The following KREMEN1 variants were observed in gnomAD, a reference collection of about 807,000 sequenced individuals.
The protein encoded by KREMEN1 is kringle containing transmembrane protein 1, also known as kremen protein 1.
KREMEN1 carries 30 observed loss-of-function variants against 46.5 expected under a neutral mutation model. The observed-to-expected ratio is 0.65, with a 90% CI of 0.48 to 0.88. KREMEN1 has a LOEUF of 0.88. KREMEN1 is among the 40% of genes least tolerant of loss of function. The probability of loss-of-function intolerance (pLI) is 0.00; values close to 1 mark genes in which losing one functional copy is unlikely to be tolerated. For missense variants in KREMEN1, 533 were observed against 596.9 expected, an observed-to-expected ratio of 0.89 and a Z score of 1.11; for synonymous variants, 214 against 230.6, an observed-to-expected ratio of 0.93 and a Z score of 0.65.
At chr22:29,148,604 G>A (rs1375017025), downstream of KREMEN1, among the ~76,000 whole-genome samples, 3 of 151,888 alleles carry the variant, frequency 2.0e-5, no homozygotes, top group Admixed American at 6.6e-5. Flanking sequence ...ACAGGCGCCC[G>A]CCACCACGCC....
At chr22:29,109,422 A>T (rs2038109541) in intron 3 of KREMEN1, among the ~76,000 whole-genome samples, 1 of 152,248 alleles carries the variant, frequency 6.6e-6, no homozygotes, top group Admixed American at 6.5e-5. Flanking sequence ...CACACCAATC[A>T]TATAAATAAG....
At chr22:29,090,232 G>T (rs374756409) in intron 1 of KREMEN1, among the ~76,000 whole-genome samples, 1 of 152,198 alleles carries the variant, frequency 6.6e-6, no homozygotes, top group Non-Finnish European at 1.5e-5. Context: ...CTCTGTGTGT[G>T]TGTGTTTCTT....
intron 3 of KREMEN1, among the ~76,000 whole-genome samples, chr22:29,105,705 T>C (rs2038049478): frequency 6.6e-6 from 1 of 152,170 alleles, no homozygotes; most frequent in Non-Finnish European, 1.5e-5. Flanking sequence ...GAGGCATTTC[T>C]CCATAGTTCG....
intron 3 of KREMEN1, among the ~76,000 whole-genome samples, chr22:29,104,163 T>G (rs992662289): frequency 1.9e-4 from 28 of 151,020 alleles, no homozygotes; most frequent in East Asian, 1.2e-3. Context: ...TGTAATTTTT[T>G]TTTTTTTTTT....
chr22:29,088,306 T>TACACACACACACACAC (rs199764170), intron 1 of KREMEN1, among the ~76,000 whole-genome samples: 2 of 149,782 alleles, frequency 1.3e-5, no homozygotes, highest in African/African-American at 2.5e-5. Context: ...CACGCGTGCA[T>TACACACACACACACAC]ACACACACAC....
At chr22:29,148,395 A>C (rs2038888226), downstream of KREMEN1, among the ~76,000 whole-genome samples, 1 of 151,736 alleles carries the variant, frequency 6.6e-6, no homozygotes, top group Non-Finnish European at 1.5e-5. Context: ...GGTGGGCAGG[A>C]GTAGGACAGG....
At chr22:29,119,329 A>G (rs561763414) in intron 3 of KREMEN1, among the ~76,000 whole-genome samples, 1 of 152,324 alleles carries the variant, frequency 6.6e-6, no homozygotes, top group South Asian at 2.1e-4. Flanking sequence ...TTATTCACCA[A>G]CCCAGAAGCT....
At position 29,143,558 on chromosome 22, in the gene KREMEN1, T is replaced by C. The variant is rs132279; in HGVS notation, c.*1446T>C. Reference sequence around the variant, plus strand: ...GTGATCGAAACCATCCTGGCTAAGATGGTGAAACCCCGTCTCTACTAAAAA... The same window carrying C: ...GTGATCGAAACCATCCTGGCTAAGACGGTGAAACCCCGTCTCTACTAAAAA... On this transcript the variant is annotated 3_prime_UTR_variant, in exon 9 of 9. Coordinates refer to ENST00000400335, the MANE Select transcript of KREMEN1 (RefSeq NM_001039570.3). 623,831 of 775,186 alleles carry C rather than the reference T, an allele frequency of 0.8. 254,196 individuals carry two copies. Among genetic ancestry groups the C allele is most frequent in the Non-Finnish European group, 0.84 (534,155 of 638,464 alleles). The allele number at this position is 775,186 out of a possible 1,614,324, so 48.0% of individuals were successfully genotyped here.
chr22:29,145,136 A>T lies in KREMEN1; in HGVS notation c.*3024A>T. On this transcript the variant is annotated 3_prime_UTR_variant, in exon 9 of 9. Coordinates refer to ENST00000400335, the MANE Select transcript of KREMEN1 (RefSeq NM_001039570.3). ...AGTCAGCGACACCCCACAGAAGGCCACTGCGGCTAGGTAAACACCTGAGAA... is the reference window on the plus strand; with the variant it reads ...AGTCAGCGACACCCCACAGAAGGCCTCTGCGGCTAGGTAAACACCTGAGAA... 1 of 986,220 alleles carries T rather than the reference A, an allele frequency of 1.0e-6. No individual in the cohort carries two copies. The highest frequency in any genetic ancestry group is 1.7e-5 in the African/African-American group (1 of 57,376). The allele number at this position is 986,220 out of a possible 1,614,324, so 61.1% of individuals were successfully genotyped here. A position where few individuals can be genotyped will look rare whatever the true frequency, so the allele number is the denominator to read the frequency against.
downstream of KREMEN1, among the ~76,000 whole-genome samples, chr22:29,147,169 AAGG>A (rs2038877783): frequency 6.6e-6 from 1 of 152,152 alleles, no homozygotes; most frequent in Non-Finnish European, 1.5e-5. Context: ...CCCATCTGAA[AAGG>A]GTAATGGAAT....
chr22:29,145,885 C>G lies in KREMEN1; in HGVS notation c.*3773C>G, dbSNP rs1478631126. 13 of 985,630 alleles carry G rather than the reference C, an allele frequency of 1.3e-5. No individual in the cohort carries two copies. The highest frequency in any genetic ancestry group is 3.5e-5 in the African/African-American group (2 of 57,228). 61.1% of individuals were successfully genotyped at this position (985,630 alleles called of 1,614,324 possible). On this transcript the variant is annotated 3_prime_UTR_variant, in exon 9 of 9. Transcript: ENST00000400335. Reference sequence around the variant, plus strand: ...CCCTCGGGTAGAACCCACGGGCGTGCCTGGGTGCGGCTCCACCCACATGCC... The same window carrying G: ...CCCTCGGGTAGAACCCACGGGCGTGGCTGGGTGCGGCTCCACCCACATGCC...
chr22:29,164,559 A>G (rs2039037359), intron 9 of KREMEN1, among the ~76,000 whole-genome samples: 1 of 152,076 alleles, frequency 6.6e-6, no homozygotes, highest in African/African-American at 2.4e-5. Flanking sequence ...CAGCCTGGCC[A>G]ACACAGTGGA....
rs1036276501 is a variant in KREMEN1 at position 29,145,811 on chromosome 22, G to A, written c.*3699G>A. 7 of 985,342 alleles carry A rather than the reference G, an allele frequency of 7.1e-6. No individual in the cohort carries two copies. Among genetic ancestry groups the A allele is most frequent in the Non-Finnish European group, 8.4e-6 (7 of 829,982 alleles). 61.0% of individuals were successfully genotyped at this position (985,342 alleles called of 1,614,324 possible). A position where few individuals can be genotyped will look rare whatever the true frequency, so the allele number is the denominator to read the frequency against. ...TGGGCTCTGGCTCAAGACTCCAATCGGCCAGAAGCCCACAGAGATCAAAGC... is the reference window on the plus strand; with the variant it reads ...TGGGCTCTGGCTCAAGACTCCAATCAGCCAGAAGCCCACAGAGATCAAAGC... On this transcript the variant is annotated 3_prime_UTR_variant, in exon 9 of 9. Coordinates refer to ENST00000400335, the MANE Select transcript of KREMEN1 (RefSeq NM_001039570.3).
chr22:29,143,525 G>A lies in KREMEN1; in HGVS notation c.*1413G>A, dbSNP rs368964728. The stretch of plus-strand genomic sequence containing the variant: ...TGGGAGGCTGAGGCGGGTGGATCAC[G>A]AGGTCAGGTGATCGAAACCATCCTG... On this transcript the variant is annotated 3_prime_UTR_variant, in exon 9 of 9. Coordinates refer to ENST00000400335, the MANE Select transcript of KREMEN1 (RefSeq NM_001039570.3). 2.1e-4 allele frequency: 193 copies of A among 899,924 alleles called. No homozygotes were observed. The African/African-American group carries it at 2.9e-3, about 13-fold the overall frequency. The allele number at this position is 899,924 out of a possible 1,614,324, so 55.7% of individuals were successfully genotyped here. A position where few individuals can be genotyped will look rare whatever the true frequency, so the allele number is the denominator to read the frequency against.
intron 2 of KREMEN1, among the ~76,000 whole-genome samples, chr22:29,098,391 C>A (rs575873365): frequency 6.6e-6 from 1 of 152,138 alleles, no homozygotes; most frequent in Non-Finnish European, 1.5e-5. Context: ...GAATAAATTC[C>A]TAAAGAGGAA....
intron 5 of KREMEN1, among the ~76,000 whole-genome samples, chr22:29,128,398 G>A (rs868453656): frequency 6.6e-6 from 1 of 152,180 alleles, no homozygotes; most frequent in Non-Finnish European, 1.5e-5. Context: ...AGATCAAGAA[G>A]AAATAGAATG....
chr22:29,096,553 C>G (rs1430068633), intron 2 of KREMEN1, among the ~76,000 whole-genome samples: 1 of 152,130 alleles, frequency 6.6e-6, no homozygotes, highest in African/African-American at 2.4e-5. Context: ...ATCAAACCCT[C>G]TCGTTTGATT....
At chr22:29,131,183 T>G (rs2038527967) in intron 5 of KREMEN1, among the ~76,000 whole-genome samples, 1 of 152,176 alleles carries the variant, frequency 6.6e-6, no homozygotes, top group African/African-American at 2.4e-5. Flanking sequence ...AGAGAGAAAC[T>G]ATTACCATTT....
rs2037519403 is a variant in KREMEN1 at position 29,073,870 on chromosome 22, G to A, written c.97+643G>A. On this transcript the variant is annotated intron_variant, in intron 1 of 8. Transcript: ENST00000400335. The surrounding 1 kb of genome is among the most constrained non-coding windows in gnomAD (Gnocchi z 4.4). ...GGGATCCCGCCCCAAGTCCTTCATC[G>A]ACGCACCTTGCACCGGGACGACTCC... Among the ~76,000 whole-genome samples, 1 of 151,860 alleles carries A rather than the reference G, an allele frequency of 6.6e-6. No individual in the cohort carries two copies. The highest frequency in any genetic ancestry group is 2.1e-4 in the South Asian group (1 of 4,806).
Sources: allele counts gnomAD v4.1 joint callset (sites outside exome capture counted in the v4.1 genomes callset), GRCh38; gene constraint gnomAD v4.1.1; non-coding constraint Gnocchi (gnomAD v3.1); transcripts MANE v1.5; gene names NCBI Gene and HGNC (gene_info 2026-07-23, HGNC 2026-07-21).